The following TNFRSF1B variants were observed in gnomAD, a reference collection of about 807,000 sequenced individuals.
TNFRSF1B encodes TNF receptor superfamily member 1B.
TNFRSF1B carries 19 observed loss-of-function variants against 44.6 expected under a neutral mutation model. The observed-to-expected ratio is 0.43, with a 90% confidence interval of 0.30 to 0.62. The LOEUF (loss-of-function observed/expected upper bound fraction) is 0.62, where lower values mean the gene tolerates loss of function less well. Among genes scored for constraint, TNFRSF1B ranks in the 20% least tolerant of loss-of-function variants. The pLI, the probability that TNFRSF1B is intolerant of heterozygous loss-of-function variation, is 0.16. For synonymous variants in TNFRSF1B, 252 were observed against 261.1 expected (o/e 0.97, Z 0.34); for missense variants, 541 against 619.9 (o/e 0.87, Z 1.35).
chr1:12,190,428 T>A (rs1180218305), intron 2 of TNFRSF1B, among the ~76,000 whole-genome samples: 2 of 132,446 alleles, frequency 1.5e-5, no homozygotes, highest in East Asian at 4.4e-4. Context: ...CACTGCACTC[T>A]AGCCTGGGCC....
chr1:12,190,448 G>C (rs1228588855), intron 2 of TNFRSF1B, among the ~76,000 whole-genome samples: 2 of 117,048 alleles, frequency 1.7e-5, no homozygotes, highest in African/African-American at 6.4e-5. Context: ...CACAGAGTGA[G>C]ATTCTGTCTC....
Position 12,193,162 on chromosome 1 carries a change from T to A in TNFRSF1B, c.787+64T>A, listed in dbSNP as rs750651159. The stretch of plus-strand genomic sequence containing the variant: ...CTGCCTGTCTTTCTGTCTCTCTTTC[T>A]TCCTCTCCCATGGTTTTACTGAGAG... On this transcript the variant is annotated intron_variant, in intron 6 of 9. Coordinates refer to ENST00000376259, the MANE Select transcript of TNFRSF1B (RefSeq NM_001066.3). 3 of 1,424,492 alleles carry A rather than the reference T, an allele frequency of 2.1e-6. No individual in the cohort carries two copies. The South Asian group carries it at 3.6e-5, about 17-fold the overall frequency. 88.2% of individuals were successfully genotyped at this position (1,424,492 alleles called of 1,614,324 possible).
At chr1:12,205,511 G>A (rs896087647) in intron 9 of TNFRSF1B, among the ~76,000 whole-genome samples, 54 of 152,310 alleles carry the variant, frequency 3.5e-4, no homozygotes, top group Admixed American at 7.2e-4. Context: ...GGGTGGGGTT[G>A]AAGCCAGGAC....
intron 1 of TNFRSF1B, chr1:12,167,450 G>A (rs1638418865): frequency 3.8e-5 from 16 of 425,898 alleles, no homozygotes; most frequent in South Asian, 3.6e-4. Flanking sequence ...CTCCGCGAGC[G>A]CAGGCCGGGG....
At chr1:12,192,735 G>T (rs1179835501) in intron 5 of TNFRSF1B, 128 bp from the exon 6 acceptor site, 2 of 903,502 alleles carry the variant, frequency 2.2e-6, no homozygotes, top group South Asian at 1.6e-5. Flanking sequence ...GGGCTAGGAG[G>T]GGGTGGTCCT....
intron 2 of TNFRSF1B, among the ~76,000 whole-genome samples, chr1:12,189,188 G>A (rs1639055327): frequency 6.6e-6 from 1 of 152,220 alleles, no homozygotes; most frequent in Non-Finnish European, 1.5e-5. Context: ...AGGAGGGGGA[G>A]GAGGAGCCTA....
At position 12,208,587 on chromosome 1, in the gene TNFRSF1B, T is replaced by A. The variant is rs1405436919; in HGVS notation, c.*1567T>A. ...AACCAGTGTAGCCTTGCCCGGATTCTGGGAGGAAGCAGGTTGAGGGGCTCC... is the reference window on the plus strand; with the variant it reads ...AACCAGTGTAGCCTTGCCCGGATTCAGGGAGGAAGCAGGTTGAGGGGCTCC... On this transcript the variant is annotated 3_prime_UTR_variant, in exon 10 of 10. Transcript: ENST00000376259. 6.6e-6 allele frequency: 1 copy of A among 152,368 alleles called. No homozygotes were observed. Among genetic ancestry groups the A allele is most frequent in the African/African-American group, 2.4e-5 (1 of 41,468 alleles). The allele number at this position is 152,368 out of a possible 1,614,324, so 9.4% of individuals were successfully genotyped here.
intron 1 of TNFRSF1B, among the ~76,000 whole-genome samples, chr1:12,184,222 A>T (rs2101095236): frequency 6.6e-6 from 1 of 152,296 alleles, no homozygotes; most frequent in African/African-American, 2.4e-5. Context: ...GCCGGCTCCC[A>T]GGGCTGTGGT....
intron 1 of TNFRSF1B, among the ~76,000 whole-genome samples, chr1:12,174,160 TCTTCTC>T (rs1197180713): frequency 1.4e-3 from 96 of 67,862 alleles, no homozygotes; most frequent in Non-Finnish European, 1.6e-3. Flanking sequence ...TTCTTCTTCT[TCTTCTC>T]CTTCTCCTTC....
rs747280935 is a variant in TNFRSF1B, at chr1:12,187,154, CTTT to C, written c.79-1629_79-1627del. On this transcript the variant is annotated intron_variant, in intron 1 of 9. Transcript: ENST00000376259. The surrounding 1 kb of genome is among the most constrained non-coding windows in gnomAD (Gnocchi z 5.5). ...CCTTTGCTTTTCTCTTTTCTCCCCT[CTTT>C]TTTTTTTTTTTTCGAGATGGAGTTT... Among the ~76,000 whole-genome samples, 1 of 140,812 alleles carries C rather than the reference CTTT, an allele frequency of 7.1e-6. No individual in the cohort carries two copies. 92.4% of individuals were successfully genotyped at this position (140,812 alleles called of 152,430 possible).
At chr1:12,205,523 G>C (rs1441257908) in intron 9 of TNFRSF1B, among the ~76,000 whole-genome samples, 37 of 152,222 alleles carry the variant, frequency 2.4e-4, no homozygotes, top group Admixed American at 2.4e-3. Flanking sequence ...AGCCAGGACA[G>C]ATGGAGGCTG....
chr1:12,174,389 A>G (rs1014591190), intron 1 of TNFRSF1B, among the ~76,000 whole-genome samples: 3 of 152,006 alleles, frequency 2.0e-5, no homozygotes, highest in African/African-American at 7.2e-5. Context: ...CTGGGATTAC[A>G]GGCATGCACC....
intron 8 of TNFRSF1B, among the ~76,000 whole-genome samples, chr1:12,201,688 C>G (rs1326163666): frequency 6.6e-6 from 1 of 152,178 alleles, no homozygotes; most frequent in Non-Finnish European, 1.5e-5. Flanking sequence ...CCTGCCCCAC[C>G]TCTAAGACTA....
chr1:12,187,358 G>T lies in TNFRSF1B; in HGVS notation c.79-1438G>T, dbSNP rs1005494202. Among the ~76,000 whole-genome samples the T allele has an allele frequency of 2.0e-5, 3 of 152,236 alleles. No homozygotes were observed. Among genetic ancestry groups the T allele is most frequent in the African/African-American group, 7.2e-5 (3 of 41,546 alleles). ...AGTAGAGACAGGGTTTTGCCTTGTT[G>T]GCCAGGCTGGTCTCGAACTCTTGAC... On this transcript the variant is annotated intron_variant, in intron 1 of 9. Coordinates refer to ENST00000376259, the MANE Select transcript of TNFRSF1B (RefSeq NM_001066.3). The surrounding 1 kb of genome is among the most constrained non-coding windows in gnomAD (Gnocchi z 5.5).
rs1638707060 is a variant in TNFRSF1B at position 12,178,243 on chromosome 1, T to C, written c.79-10553T>C. 6.6e-6 allele frequency among the ~76,000 whole-genome samples: 1 copy of C among 152,212 alleles called. No homozygotes were observed. The highest frequency in any genetic ancestry group is 1.5e-5 in the Non-Finnish European group (1 of 68,042). The stretch of plus-strand genomic sequence containing the variant: ...TTTGCTTCTGTTGAGCAATTCGGCA[T>C]CGATGAGACGCCAGCTGTGGGCTGT... On this transcript the variant is annotated intron_variant, in intron 1 of 9. Transcript: ENST00000376259. This position sits in a 1 kb window ranked among gnomAD's most constrained non-coding sequence, Gnocchi z 4.3.
chr1:12,189,248 C>T (rs5746007), intron 2 of TNFRSF1B, among the ~76,000 whole-genome samples: 3,376 of 152,296 alleles, frequency 0.022, 47 homozygotes, highest in Non-Finnish European at 0.035. Context: ...AGGCAGCACT[C>T]AGCTTGAAAG....
chr1:12,174,196 CCTTCTCCTT>C (rs1638596152), intron 1 of TNFRSF1B, among the ~76,000 whole-genome samples: 1 of 118,958 alleles, frequency 8.4e-6, no homozygotes, highest in African/African-American at 3.6e-5. Flanking sequence ...TTCTCCTTCT[CCTTCTCCTT>C]CTCCTTCTCC....
chr1:12,191,429 G>C (rs1008276793), intron 3 of TNFRSF1B, among the ~76,000 whole-genome samples: 11 of 151,848 alleles, frequency 7.2e-5, no homozygotes, highest in African/African-American at 2.4e-4. Flanking sequence ...GCGGGACTTC[G>C]GGGAGGAGCG....
intron 8 of TNFRSF1B, among the ~76,000 whole-genome samples, chr1:12,198,495 G>A (rs546282527): frequency 3.3e-5 from 5 of 152,088 alleles, no homozygotes; most frequent in African/African-American, 1.2e-4. Flanking sequence ...ATAGACACAC[G>A]TGTGCACGCT....
Sources: gnomAD v4.1 joint callset for allele counts (sites outside exome capture counted in the v4.1 genomes callset) on GRCh38, gnomAD v4.1.1 for gene constraint, Gnocchi (gnomAD v3.1) non-coding constraint, MANE v1.5 for transcripts, NCBI Gene and HGNC (gene_info 2026-07-23, HGNC 2026-07-21) for gene names.